Variants in DAB1 observed in about 807,000 individuals in gnomAD.
DAB1 encodes the protein DAB adaptor protein 1.
Under a neutral mutation model 64.6 loss-of-function variants are expected in DAB1, and 15 were observed. That is an observed-to-expected ratio of 0.23 (90% CI 0.16 to 0.36). DAB1 has a LOEUF of 0.36. DAB1 is among the 10% of genes least tolerant of loss of function. DAB1 has a pLI of 1.00. For missense variants in DAB1, 596 were observed against 706.7 expected (o/e 0.84, Z 1.78); for synonymous variants, 235 against 251.9 (o/e 0.93, Z 0.64).
chr1:57,332,023 G>A (rs1195141510), intron 1 of DAB1, among the ~76,000 whole-genome samples: 4 of 152,176 alleles, frequency 2.6e-5, no homozygotes, highest in Non-Finnish European at 5.9e-5. Context: ...GCCGGAGTTA[G>A]TGCAATCTCG....
At chr1:58,091,968 A>ACACACACAC (rs1553159212) in intron 5 of DAB1, among the ~76,000 whole-genome samples, 74 of 151,468 alleles carry the variant, frequency 4.9e-4, no homozygotes, top group African/African-American at 1.8e-3. Context: ...ACACACACAC[A>ACACACACAC]AACTAACATA....
intron 2 of DAB1, among the ~76,000 whole-genome samples, chr1:57,219,601 T>C (rs891979173): frequency 1.3e-5 from 2 of 152,170 alleles, no homozygotes; most frequent in Non-Finnish European, 2.9e-5. Context: ...ATAAATTATA[T>C]AAGACTCCAT....
intron 5 of DAB1, among the ~76,000 whole-genome samples, chr1:58,131,691 C>T (rs1382285863): frequency 2.1e-5 from 3 of 143,794 alleles, no homozygotes; most frequent in African/African-American, 8.0e-5. Context: ...GGACCCTCAG[C>T]TGCAGGTCTG....
intron 3 of DAB1, among the ~76,000 whole-genome samples, chr1:58,497,465 C>T (rs969600762): frequency 1.8e-4 from 28 of 152,120 alleles, no homozygotes; most frequent in African/African-American, 5.8e-4. Context: ...GAAATGCATA[C>T]TAAAGTTGAT....
At chr1:58,089,576 T>A (rs1184383303) in intron 5 of DAB1, among the ~76,000 whole-genome samples, 1 of 152,220 alleles carries the variant, frequency 6.6e-6, no homozygotes, top group African/African-American at 2.4e-5. Flanking sequence ...ATGGTCTGAA[T>A]TCTTTACATC....
At chr1:57,170,531 G>C (rs572667774) in intron 2 of DAB1, among the ~76,000 whole-genome samples, 2 of 152,228 alleles carry the variant, frequency 1.3e-5, no homozygotes, top group African/African-American at 4.8e-5. Context: ...GACCTGTCAG[G>C]TACTTACTAT....
At chr1:57,977,868 G>A (rs994279863) in intron 5 of DAB1, among the ~76,000 whole-genome samples, 1 of 151,892 alleles carries the variant, frequency 6.6e-6, no homozygotes, top group African/African-American at 2.4e-5. Flanking sequence ...GAATATGAAG[G>A]ACCTCTTCAA....
intron 5 of DAB1, among the ~76,000 whole-genome samples, chr1:57,900,382 G>T (rs190215795): frequency 6.6e-6 from 1 of 152,244 alleles, no homozygotes; most frequent in African/African-American, 2.4e-5. Flanking sequence ...AGCAGGAATT[G>T]CCTGACCACT....
At chr1:57,635,896 C>T (rs1281529329) in intron 7 of DAB1, among the ~76,000 whole-genome samples, 1 of 151,706 alleles carries the variant, frequency 6.6e-6, no homozygotes, top group Non-Finnish European at 1.5e-5. Context: ...GAGATCGAGA[C>T]CATCCTGGCT....
At chr1:57,276,477 G>A (rs1198541070) in intron 2 of DAB1, among the ~76,000 whole-genome samples, 1 of 152,232 alleles carries the variant, frequency 6.6e-6, no homozygotes, top group African/African-American at 2.4e-5. Flanking sequence ...CAAATGTTTA[G>A]TGAACACATA....
chr1:57,305,085 G>C (rs531716447), intron 1 of DAB1, among the ~76,000 whole-genome samples: 84 of 152,212 alleles, frequency 5.5e-4, no homozygotes, highest in Non-Finnish European at 1.0e-3. Flanking sequence ...TTCACATTAA[G>C]ATTATTTCTG....
At chr1:57,669,511 G>A (rs1646486059) in intron 6 of DAB1, among the ~76,000 whole-genome samples, 1 of 152,102 alleles carries the variant, frequency 6.6e-6, no homozygotes, top group African/African-American at 2.4e-5. Context: ...GCTGCACCTG[G>A]AGGGACCATT....
chr1:57,898,852 G>T (rs1217416789), intron 5 of DAB1, among the ~76,000 whole-genome samples: 2 of 152,172 alleles, frequency 1.3e-5, no homozygotes, highest in African/African-American at 4.8e-5. Flanking sequence ...GTGTGTGTGT[G>T]TATGTGTGCG....
At chr1:58,292,293 A>G (rs1661861519) in intron 4 of DAB1, among the ~76,000 whole-genome samples, 2 of 152,186 alleles carry the variant, frequency 1.3e-5, no homozygotes, top group African/African-American at 2.4e-5. Flanking sequence ...CACTGATGAG[A>G]GGAAAAGATG....
intron 3 of DAB1, among the ~76,000 whole-genome samples, chr1:58,398,857 C>G (rs1644546576): frequency 6.6e-6 from 1 of 152,184 alleles, no homozygotes; most frequent in Admixed American, 6.5e-5. Context: ...ACTGCTGTAT[C>G]ACTTTGCTGA....
intron 1 of DAB1, among the ~76,000 whole-genome samples, chr1:57,364,855 GTATA>G (rs1002902091): frequency 6.9e-6 from 1 of 144,312 alleles, no homozygotes. Flanking sequence ...ATATATATAT[GTATA>G]TATATATATA....
chr1:58,030,839 C>G (rs1242660206), intron 5 of DAB1, among the ~76,000 whole-genome samples: 2 of 152,150 alleles, frequency 1.3e-5, no homozygotes, highest in Non-Finnish European at 2.9e-5. Context: ...AATGTATGAA[C>G]CACTTACTAT....
chr1:57,461,900 TG>T (rs1231324979), intron 7 of DAB1, among the ~76,000 whole-genome samples: 1 of 144,238 alleles, frequency 6.9e-6, no homozygotes, highest in African/African-American at 2.6e-5. Context: ...TAAGGGGAGG[TG>T]GGAGTGGAGG....
chr1:58,106,693 C>G (rs1200585387), intron 5 of DAB1, among the ~76,000 whole-genome samples: 1 of 152,146 alleles, frequency 6.6e-6, no homozygotes, highest in Non-Finnish European at 1.5e-5. Context: ...AGGAGAGAGG[C>G]CAGCCTTGAA....
Sources: allele counts gnomAD v4.1 joint callset (sites outside exome capture counted in the v4.1 genomes callset), GRCh38; gene constraint gnomAD v4.1.1; transcripts MANE v1.5; gene names NCBI Gene and HGNC (gene_info 2026-07-23, HGNC 2026-07-21).